The following CCN3 variants were observed in gnomAD, a reference collection of about 807,000 sequenced individuals.
The protein encoded by CCN3 is CCN family member 3.
A neutral mutation model predicts 33.4 loss-of-function variants in CCN3; 20 were observed. That is an observed-to-expected ratio of 0.60 (90% CI 0.42 to 0.87). The LOEUF is 0.87. Ranked by LOEUF, CCN3 falls within the 40% of genes least tolerant of loss-of-function variation. The probability of loss-of-function intolerance (pLI) is 0.00; values close to 1 mark genes in which losing one functional copy is unlikely to be tolerated. For missense variants in CCN3, 465 were observed against 455.3 expected (o/e 1.02, Z -0.19); for synonymous variants, 205 against 170.4 (o/e 1.20, Z -1.58).
intron 4 of CCN3, among the ~76,000 whole-genome samples, chr8:119,419,732 T>C (rs556779388): frequency 6.6e-6 from 1 of 152,334 alleles, no homozygotes; most frequent in South Asian, 2.1e-4. Context: ...TCTGTATGTA[T>C]GGGTAGAGGC....
intron 2 of CCN3, among the ~76,000 whole-genome samples, chr8:119,417,504 C>T (rs16892525): frequency 0.043 from 6,620 of 152,274 alleles, 307 homozygotes; most frequent in African/African-American, 0.11. Context: ...GCTTCTAAAA[C>T]GTAATCAGTC....
intron 3 of CCN3, 68 bp from the exon 4 acceptor site, chr8:119,419,063 T>C (rs1820090027): frequency 1.5e-6 from 2 of 1,300,512 alleles, no homozygotes; most frequent in African/African-American, 1.5e-5. Context: ...TAATAATGGC[T>C]GAAAAGGACC....
Sources: allele counts gnomAD v4.1 joint callset (sites outside exome capture counted in the v4.1 genomes callset), GRCh38; gene constraint gnomAD v4.1.1; transcripts MANE v1.5; gene names NCBI Gene and HGNC (gene_info 2026-07-23, HGNC 2026-07-21).